The following ASIP variants were observed in gnomAD, a reference collection of about 807,000 sequenced individuals.
ASIP encodes agouti-signaling protein.
Under a neutral mutation model 10.3 loss-of-function variants are expected in ASIP, and 11 were observed. The observed-to-expected ratio is 1.07, with a 90% confidence interval of 0.68 to 1.78. The LOEUF (loss-of-function observed/expected upper bound fraction) is 1.78, where lower values mean the gene tolerates loss of function less well. Among genes scored for constraint, ASIP ranks in the 40% most tolerant of loss-of-function variants. The pLI, the probability that ASIP is intolerant of heterozygous loss-of-function variation, is 0.00. For missense variants in ASIP, 180 were observed against 169.2 expected (o/e 1.06, Z -0.35); for synonymous variants, 70 against 70.8 (o/e 0.99, Z 0.06).
chr20:34,227,856 C>A (rs2035103378), intron 1 of ASIP, among the ~76,000 whole-genome samples: 1 of 152,114 alleles, frequency 6.6e-6, no homozygotes, highest in Non-Finnish European at 1.5e-5. Flanking sequence ...CTTCACTCTC[C>A]CTGACTTCCA....
At chr20:34,237,344 T>C (rs1206502535), upstream of ASIP, among the ~76,000 whole-genome samples, 1 of 152,194 alleles carries the variant, frequency 6.6e-6, no homozygotes, top group Non-Finnish European at 1.5e-5. Context: ...TTTAATTTCT[T>C]TCAGCAATGT....
At chr20:34,247,387 G>A (rs534857124) in intron 1 of ASIP, among the ~76,000 whole-genome samples, 11 of 142,694 alleles carry the variant, frequency 7.7e-5, no homozygotes, top group African/African-American at 2.4e-4. Flanking sequence ...TGCAACCTCC[G>A]CCTCCCGGGT....
upstream of ASIP, among the ~76,000 whole-genome samples, chr20:34,241,259 C>T (rs887258613): frequency 3.9e-5 from 6 of 152,198 alleles, no homozygotes; most frequent in African/African-American, 1.4e-4. Context: ...TAAAACCTCT[C>T]TTGATCTGCT....
chr20:34,249,812 G>T (rs2035444341), intron 1 of ASIP, among the ~76,000 whole-genome samples: 1 of 152,200 alleles, frequency 6.6e-6, no homozygotes, highest in South Asian at 2.1e-4. Flanking sequence ...TTCAGGGCCA[G>T]AGAACCCATT....
intron 1 of ASIP, among the ~76,000 whole-genome samples, chr20:34,204,250 T>C (rs2122541439): frequency 6.6e-6 from 1 of 151,676 alleles, no homozygotes; most frequent in East Asian, 1.9e-4. Context: ...GACGGAGTTT[T>C]GCACTTGTTG....
intron 2 of ASIP, among the ~76,000 whole-genome samples, chr20:34,262,335 G>T (rs1481603843): frequency 6.6e-6 from 1 of 152,192 alleles, no homozygotes; most frequent in Non-Finnish European, 1.5e-5. Flanking sequence ...GTTACCCACA[G>T]CCACATAGTC....
intron 1 of ASIP, among the ~76,000 whole-genome samples, chr20:34,209,988 A>G (rs544885505): frequency 2.0e-5 from 3 of 152,302 alleles, no homozygotes; most frequent in East Asian, 1.9e-4. Flanking sequence ...AGAGCCCCCA[A>G]TTCAGCCAGA....
upstream of ASIP, among the ~76,000 whole-genome samples, chr20:34,190,926 G>T (rs2034821067): frequency 6.6e-6 from 1 of 152,264 alleles, no homozygotes; most frequent in South Asian, 2.1e-4. Context: ...ATTGACTCAG[G>T]CTCCTATTGA....
chr20:34,238,235 G>T (rs886195201), upstream of ASIP, among the ~76,000 whole-genome samples: 1 of 151,966 alleles, frequency 6.6e-6, no homozygotes, highest in Non-Finnish European at 1.5e-5. Flanking sequence ...AATATTCTGG[G>T]TTTTTTTCTC....
chr20:34,210,085 T>C (rs1203416917), intron 1 of ASIP, among the ~76,000 whole-genome samples: 1 of 152,202 alleles, frequency 6.6e-6, no homozygotes, highest in Admixed American at 6.5e-5. Context: ...TCAGTAAAGC[T>C]TCTCTTCACC....
At chr20:34,202,942 G>A (rs1043304608) in intron 1 of ASIP, among the ~76,000 whole-genome samples, 1 of 150,986 alleles carries the variant, frequency 6.6e-6, no homozygotes, top group Admixed American at 6.6e-5. Context: ...CCGAGTAGCT[G>A]GGACCACAGG....
intron 1 of ASIP, chr20:34,245,853 T>A (rs2035366087): frequency 1.3e-6 from 1 of 797,552 alleles, no homozygotes; most frequent in South Asian, 4.4e-5. Context: ...TATATATATA[T>A]TCTACAGTAA....
rs753481724 is a variant in ASIP, at chr20:34,203,716, A to G, written c.-11+8956A>G. Among the ~76,000 whole-genome samples the G allele has an allele frequency of 9.2e-5, 14 of 151,744 alleles. No individual in the cohort carries two copies. In the South Asian group the frequency reaches 2.5e-3, roughly 27 times the overall value. On this transcript the variant is annotated intron_variant, in intron 1 of 3. Coordinates refer to the ASIP transcript ENST00000568305. ...CCAGCCTTATAAGTGGCGTATTTTA[A>G]TTTTATTTATTTATTTATTTTTTGA...
chr20:34,261,761 C>T (rs1391358991), intron 2 of ASIP, among the ~76,000 whole-genome samples: 2 of 152,072 alleles, frequency 1.3e-5, no homozygotes, highest in African/African-American at 2.4e-5. Flanking sequence ...ATGATCACAC[C>T]ATTGCACTCC....
At chr20:34,227,574 T>C (rs2035101389) in intron 1 of ASIP, among the ~76,000 whole-genome samples, 1 of 146,826 alleles carries the variant, frequency 6.8e-6, no homozygotes, top group Admixed American at 7.0e-5. Context: ...GAGGTTGCAG[T>C]GAGCCGAGAT....
At chr20:34,213,506 C>A in intron 1 of ASIP, 1 of 1,461,808 alleles carries the variant, frequency 6.8e-7, no homozygotes, top group South Asian at 1.3e-5. Flanking sequence ...TCTAAAGCAG[C>A]AGACTGGTCA....
At chr20:34,222,960 C>T (rs1464684844) in intron 1 of ASIP, among the ~76,000 whole-genome samples, 8 of 152,036 alleles carry the variant, frequency 5.3e-5, no homozygotes, top group Admixed American at 2.6e-4. Context: ...AGTGCAGTGG[C>T]GTGATCTCGG....
At chr20:34,202,574 A>T (rs2034906778) in intron 1 of ASIP, among the ~76,000 whole-genome samples, 2 of 152,146 alleles carry the variant, frequency 1.3e-5, no homozygotes, top group South Asian at 4.1e-4. Context: ...TCAATCCAGC[A>T]TCATGTACCG....
rs2035833673 is a variant in ASIP at position 34,268,766 on chromosome 20, A to AC, written c.223-224dup. Among the ~76,000 whole-genome samples, 3 of 151,068 alleles carry AC rather than the reference A, an allele frequency of 2.0e-5. No individual in the cohort carries two copies. The South Asian group carries it at 6.3e-4, about 32-fold the overall frequency. On this transcript the variant is annotated intron_variant, in intron 3 of 3. Coordinates refer to ENST00000374954, the MANE Select transcript of ASIP (RefSeq NM_001672.3). Reference sequence around the variant, plus strand: ...AACAAAAAACAAACAAACAAAAAAAACACAAACTAGGGAGAAGACGACCAG... The same window carrying AC: ...AACAAAAAACAAACAAACAAAAAAAACCACAAACTAGGGAGAAGACGACCAG...
Sources: gnomAD v4.1 joint callset for allele counts (sites outside exome capture counted in the v4.1 genomes callset) on GRCh38, gnomAD v4.1.1 for gene constraint, MANE v1.5 for transcripts, NCBI Gene and HGNC (gene_info 2026-07-23, HGNC 2026-07-21) for gene names.